ZMYM2: variants seen among roughly 807,000 people sequenced by gnomAD.
The protein encoded by ZMYM2 is zinc finger MYM-type protein 2.
In ZMYM2, 56 loss-of-function variants were observed where a neutral mutation model predicts 162.8. The ratio of observed to expected loss-of-function variants is 0.34; its 90% confidence interval spans 0.28 to 0.43. The LOEUF (loss-of-function observed/expected upper bound fraction) is 0.43. ZMYM2 is among the 20% of genes least tolerant of loss of function. The pLI, the probability that ZMYM2 is intolerant of heterozygous loss-of-function variation, is 1.00. For synonymous variants in ZMYM2, 510 were observed against 541.6 expected, an observed-to-expected ratio of 0.94 and a Z score of 0.81; for missense variants, 1,275 against 1,621.8, an observed-to-expected ratio of 0.79 and a Z score of 3.67.
the ZMYM2 span, among the ~76,000 whole-genome samples, chr13:19,948,260 C>G: frequency 6.6e-6 from 1 of 152,134 alleles, no homozygotes; most frequent in Admixed American, 6.5e-5. Context: ...TTTGCCCAAA[C>G]GAGTTGAAAA....
intron 1 of ZMYM2, among the ~76,000 whole-genome samples, chr13:19,959,169 C>CCGGCGGGGCGGCGGGA (rs1555271549): frequency 1.4e-5 from 2 of 147,732 alleles, no homozygotes; most frequent in South Asian, 2.1e-4. Context: ...GGTCGCGGGG[C>CCGGCGGGGCGGCGGGA]CGGCGGGGCG....
the ZMYM2 span, among the ~76,000 whole-genome samples, chr13:19,943,884 A>G: frequency 6.6e-6 from 1 of 152,242 alleles, no homozygotes; most frequent in Non-Finnish European, 1.5e-5. Context: ...GCACAAAGGC[A>G]GTCTGTTAAA....
Position 20,051,436 on chromosome 13 carries a change from G to C in ZMYM2, c.2296G>C (p.Ala766Pro). Residue 766 changes from alanine to proline, a missense_variant, in exon 13 of 25, where the codon GCA becomes CCA. Ala to Pro is a conservative substitution (Grantham distance 27, BLOSUM62 -1). Transcript: ENST00000610343. ...AAACCTTCCTTTTTAAATTAAGGCTGCAAGGTGTGACTGTTGTAAATCTCA... is the reference window on the plus strand; with the variant it reads ...AAACCTTCCTTTTTAAATTAAGGCTCCAAGGTGTGACTGTTGTAAATCTCA... The part of the protein sequence containing the change: ...KKFQDWYYKA[A>P]RCDCCKSQGT... The C allele has an allele frequency of 6.2e-7, 1 of 1,610,448 alleles. No homozygotes were observed.
the ZMYM2 span, among the ~76,000 whole-genome samples, chr13:19,949,712 C>T: frequency 2.0e-5 from 3 of 151,318 alleles, no homozygotes; most frequent in East Asian, 2.0e-4. Context: ...TATGGTGAAA[C>T]GCCGTTTCTA....
At chr13:20,001,046 G>T (rs1033143434) in intron 3 of ZMYM2, among the ~76,000 whole-genome samples, 1 of 152,152 alleles carries the variant, frequency 6.6e-6, no homozygotes, top group Non-Finnish European at 1.5e-5. Flanking sequence ...CTTTAGTGGA[G>T]GAAGTAATTG....
Position 19,993,078 on chromosome 13 carries a change from C to CACA in ZMYM2, c.8_10dup (p.Thr3dup), listed in dbSNP as rs1566240438. The CACA allele has an allele frequency of 6.3e-7, 1 of 1,597,478 alleles. No homozygotes were observed. On this transcript the variant is annotated inframe_insertion, in exon 3 of 25. Coordinates refer to ENST00000610343, the MANE Select transcript of ZMYM2 (RefSeq NM_197968.4). ...TTCCTAACAGGTTCTTTGGCATGGA[C>CACA]ACAAGTTCAGTGGGAGGATTAGAAT...
intron 16 of ZMYM2, among the ~76,000 whole-genome samples, chr13:20,060,015 CA>C (rs1268658580): frequency 1.3e-5 from 2 of 152,084 alleles, no homozygotes; most frequent in Non-Finnish European, 2.9e-5. Flanking sequence ...GCCTGGTCTA[CA>C]AAGCAAGTCC....
At chr13:19,900,464 GC>G in the ZMYM2 span, among the ~76,000 whole-genome samples, 12 of 152,166 alleles carry the variant, frequency 7.9e-5, no homozygotes, top group East Asian at 2.1e-3. Context: ...ACTTCAAAAA[GC>G]CTAGTACTAG....
At chr13:20,080,477 G>A (rs916708892) in intron 21 of ZMYM2, among the ~76,000 whole-genome samples, 2 of 151,566 alleles carry the variant, frequency 1.3e-5, no homozygotes, top group African/African-American at 2.4e-5. Context: ...AATTGAATCC[G>A]ACAATATCTG....
At chr13:20,025,203 T>C (rs1388402962) in intron 7 of ZMYM2, 1 of 200,820 alleles carries the variant, frequency 5.0e-6, no homozygotes, top group Non-Finnish European at 1.0e-5. Flanking sequence ...TTCGAAGCCT[T>C]CTTATATTTT....
At chr13:19,867,502 T>G in the ZMYM2 span, among the ~76,000 whole-genome samples, 1 of 152,078 alleles carries the variant, frequency 6.6e-6, no homozygotes, top group Non-Finnish European at 1.5e-5. Flanking sequence ...GACAAACCAG[T>G]GAAAAGCTAT....
chr13:19,886,730 A>C, the ZMYM2 span, among the ~76,000 whole-genome samples: 1 of 149,696 alleles, frequency 6.7e-6, no homozygotes, highest in Non-Finnish European at 1.5e-5. Context: ...GCTCACTGCA[A>C]CCTCTCCCTC....
chr13:20,068,129 A>T (rs1309800173), intron 21 of ZMYM2: 1 of 179,870 alleles, frequency 5.6e-6, no homozygotes, highest in Admixed American at 6.3e-5. Flanking sequence ...GCAGATATAT[A>T]GTGCATGGCT....
chr13:19,871,106 CAAAAT>C, the ZMYM2 span, among the ~76,000 whole-genome samples: 4,405 of 152,010 alleles, frequency 0.029, 205 homozygotes, highest in African/African-American at 0.1. Context: ...AAATAGAAAA[CAAAAT>C]AAAATGCTAA....
At chr13:19,915,125 C>T in the ZMYM2 span, among the ~76,000 whole-genome samples, 1 of 152,096 alleles carries the variant, frequency 6.6e-6, no homozygotes, top group African/African-American at 2.4e-5. Flanking sequence ...CCATACCTGG[C>T]TAATTTTGTA....
chr13:19,990,511 A>G (rs1949518805), intron 2 of ZMYM2, among the ~76,000 whole-genome samples: 2 of 152,224 alleles, frequency 1.3e-5, no homozygotes, highest in African/African-American at 4.8e-5. Flanking sequence ...ACTTGCTTAA[A>G]GAGATGTTCT....
the ZMYM2 span, chr13:19,864,257 C>G: frequency 1.3e-5 from 2 of 155,020 alleles, no homozygotes; most frequent in African/African-American, 2.4e-5. Flanking sequence ...CCCTTCCACC[C>G]TCGCCGCGCC....
chr13:19,967,051 C>G (rs867649473), intron 2 of ZMYM2, among the ~76,000 whole-genome samples: 1 of 152,024 alleles, frequency 6.6e-6, no homozygotes, highest in African/African-American at 2.4e-5. Context: ...TTCATGTTTT[C>G]TTTATTTGTA....
the ZMYM2 span, among the ~76,000 whole-genome samples, chr13:19,885,841 C>CT: frequency 1.5e-5 from 1 of 65,068 alleles, no homozygotes; most frequent in Non-Finnish European, 3.5e-5. Context: ...GAGTGAAACT[C>CT]TGTCTCAAAA....
Sources: allele counts gnomAD v4.1 joint callset (sites outside exome capture counted in the v4.1 genomes callset), GRCh38; gene constraint gnomAD v4.1.1; transcripts MANE v1.5; gene names NCBI Gene and HGNC (gene_info 2026-07-23, HGNC 2026-07-21).